AGBL4: variants seen among roughly 807,000 people sequenced by gnomAD.
The protein encoded by AGBL4 is cytosolic carboxypeptidase 6.
AGBL4 carries 58 observed loss-of-function variants against 66.4 expected under a neutral mutation model. That is an observed-to-expected ratio of 0.87 (90% CI 0.71 to 1.09). The LOEUF (loss-of-function observed/expected upper bound fraction) is 1.09. AGBL4 is among the 50% of genes least tolerant of loss of function. The probability of loss-of-function intolerance (pLI) is 0.00; values close to 1 mark genes in which losing one functional copy is unlikely to be tolerated. For missense variants in AGBL4, 579 were observed against 631.0 expected (o/e 0.92, Z 0.88); for synonymous variants, 234 against 222.9 (o/e 1.05, Z -0.44).
At position 48,925,173 on chromosome 1, in the gene AGBL4, CAT is replaced by C. The variant is rs573818068; in HGVS notation, c.595-57945_595-57944del. 2.1e-3 allele frequency among the ~76,000 whole-genome samples: 304 copies of C among 144,164 alleles called. 5 individuals carry two copies. The highest frequency in any genetic ancestry group is 6.9e-3 in the African/African-American group (278 of 40,036). 94.6% of individuals were successfully genotyped at this position (144,164 alleles called of 152,430 possible). ...ATACACACACACACACACACACACA[CAT>C]ATGTGTGTGTGTGTACAGTCATCCC... On this transcript the variant is annotated intron_variant, in intron 5 of 13. Coordinates refer to ENST00000371839, the MANE Select transcript of AGBL4 (RefSeq NM_032785.4).
At position 48,693,129 on chromosome 1, in the gene AGBL4, T is replaced by G. The variant is rs114752418; in HGVS notation, c.635-29888A>C. Among the ~76,000 whole-genome samples the G allele has an allele frequency of 3.9e-3, 566 of 146,230 alleles. 3 individuals are homozygous for G. Among genetic ancestry groups the G allele is most frequent in the African/African-American group, 0.013 (545 of 41,188 alleles). On this transcript the variant is annotated intron_variant, in intron 6 of 13. Transcript: ENST00000371839. ...TTCTTTGTATATTCAAAGCTCTTGG[T>G]TGCTTTCTTAAAGCGCTGATACTAA...
chr1:49,255,244 GA>G (rs1444196969), intron 3 of AGBL4, among the ~76,000 whole-genome samples: 1 of 151,954 alleles, frequency 6.6e-6, no homozygotes, highest in Non-Finnish European at 1.5e-5. Flanking sequence ...CAGAATGGGA[GA>G]AAAAAATTTG....
At chr1:48,885,586 GA>G (rs1301855111) in intron 5 of AGBL4, among the ~76,000 whole-genome samples, 5 of 152,026 alleles carry the variant, frequency 3.3e-5, no homozygotes, top group Admixed American at 1.3e-4. Context: ...TCAAAAAGCA[GA>G]AAAAAATGGC....
intron 3 of AGBL4, chr1:49,266,351 CTCTT>C (rs1474622983): frequency 1.3e-5 from 2 of 151,908 alleles, no homozygotes; most frequent in African/African-American, 2.4e-5. Context: ...TTCAGGGAGA[CTCTT>C]TCTTCTCCCT....
At position 49,409,120 on chromosome 1, in the gene AGBL4, T is replaced by C. The variant is rs543922122; in HGVS notation, c.283-163256A>G. On this transcript the variant is annotated intron_variant, in intron 3 of 13. Coordinates refer to ENST00000371839, the MANE Select transcript of AGBL4 (RefSeq NM_032785.4). ...CTGTCTTTTTCTGTCTCCCCTCTCC[T>C]TCCTCTCCATCAAACCCCACTCTCT... Among the ~76,000 whole-genome samples, 7 of 150,236 alleles carry C rather than the reference T, an allele frequency of 4.7e-5. No individual in the cohort carries two copies. In the East Asian group the frequency reaches 1.2e-3, roughly 25 times the overall value.
At chr1:49,352,490 G>A (rs561653504) in intron 3 of AGBL4, among the ~76,000 whole-genome samples, 51 of 151,588 alleles carry the variant, frequency 3.4e-4, no homozygotes, top group Middle Eastern at 3.4e-3. Flanking sequence ...TGGGGTCCTG[G>A]GGCAGAGAAT....
chr1:49,840,120 G>T (rs1571688373), intron 2 of AGBL4, among the ~76,000 whole-genome samples: 1 of 152,090 alleles, frequency 6.6e-6, no homozygotes, highest in Admixed American at 6.5e-5. Flanking sequence ...TTGGTTGGTA[G>T]TCTTTTTATT....
intron 3 of AGBL4, among the ~76,000 whole-genome samples, chr1:49,419,488 T>C (rs1645496966): frequency 6.6e-6 from 1 of 152,200 alleles, no homozygotes; most frequent in Admixed American, 6.5e-5. Context: ...TCCTTAGCCC[T>C]TGTTTCTCAG....
intron 3 of AGBL4, among the ~76,000 whole-genome samples, chr1:49,649,451 G>A (rs1645958220): frequency 6.6e-6 from 1 of 152,124 alleles, no homozygotes; most frequent in South Asian, 2.1e-4. Flanking sequence ...TCTAACAAGA[G>A]AGCATCAAAC....
At chr1:48,672,812 G>A (rs745474341) in intron 6 of AGBL4, among the ~76,000 whole-genome samples, 7 of 152,152 alleles carry the variant, frequency 4.6e-5, no homozygotes, top group Admixed American at 2.6e-4. Context: ...AGGTTGTTAC[G>A]TATTAATAAC....
intron 2 of AGBL4, among the ~76,000 whole-genome samples, chr1:49,714,968 A>T (rs1647980706): frequency 6.6e-6 from 1 of 151,492 alleles, no homozygotes; most frequent in South Asian, 2.1e-4. Context: ...TTAATTTTTA[A>T]AAATTTTTTC....
At chr1:48,686,990 TCAGTAC>T (rs1646542641) in intron 6 of AGBL4, among the ~76,000 whole-genome samples, 1 of 146,896 alleles carries the variant, frequency 6.8e-6, no homozygotes, top group South Asian at 2.1e-4. Context: ...AGCTGTCTGG[TCAGTAC>T]CAGGTAATAC....
In AGBL4 at chr1:49,081,845, TAGAGA is replaced by T. The variant is rs1470229192; in HGVS notation, c.378-36050_378-36046del. ...AGACCCAAGACAGGGTCAGAGGAGC[TAGAGA>T]TAGGAAACTTGAAAATGTCAATCCA... is the stretch of plus-strand genomic sequence containing the variant. On this transcript the variant is annotated intron_variant, in intron 4 of 13. Transcript: ENST00000371839. Among the ~76,000 whole-genome samples, 50 of 152,302 alleles carry T rather than the reference TAGAGA, an allele frequency of 3.3e-4. 1 individual carries two copies. The highest frequency in any genetic ancestry group is 1.1e-3 in the African/African-American group (47 of 41,558).
chr1:49,737,879 G>C (rs1352778710), intron 2 of AGBL4, among the ~76,000 whole-genome samples: 3 of 152,192 alleles, frequency 2.0e-5, no homozygotes, highest in Non-Finnish European at 4.4e-5. Flanking sequence ...CCACTCTATA[G>C]CTCCCAGCAT....
chr1:49,859,839 A>G (rs1032566072), intron 1 of AGBL4, among the ~76,000 whole-genome samples: 6 of 152,120 alleles, frequency 3.9e-5, no homozygotes, highest in Non-Finnish European at 5.9e-5. Flanking sequence ...TAGAGAAAAA[A>G]ATCACAAAGA....
intron 4 of AGBL4, among the ~76,000 whole-genome samples, chr1:49,207,893 T>C (rs1177532405): frequency 6.6e-6 from 1 of 152,012 alleles, no homozygotes; most frequent in Non-Finnish European, 1.5e-5. Context: ...CTCTTGATTC[T>C]TTTAGCCACT....
chr1:48,852,180 T>C (rs1244569605), intron 6 of AGBL4, among the ~76,000 whole-genome samples: 1 of 152,200 alleles, frequency 6.6e-6, no homozygotes, highest in African/African-American at 2.4e-5. Flanking sequence ...AAATGGCAGA[T>C]CTAAGATTTG....
intron 9 of AGBL4, among the ~76,000 whole-genome samples, chr1:48,631,029 G>C (rs749078748): frequency 6.6e-6 from 1 of 152,122 alleles, no homozygotes; most frequent in Non-Finnish European, 1.5e-5. Context: ...CTGTGAACTC[G>C]GCACCCAGCA....
intron 6 of AGBL4, among the ~76,000 whole-genome samples, chr1:48,740,256 G>C (rs1027607160): frequency 1.3e-5 from 2 of 152,158 alleles, no homozygotes; most frequent in African/African-American, 4.8e-5. Flanking sequence ...GTCACCTGGA[G>C]CAATGTTCAG....
Sources: allele counts gnomAD v4.1 joint callset (sites outside exome capture counted in the v4.1 genomes callset), GRCh38; gene constraint gnomAD v4.1.1; transcripts MANE v1.5; gene names NCBI Gene and HGNC (gene_info 2026-07-23, HGNC 2026-07-21).